The following TLE6 variants were observed in gnomAD, a reference collection of about 807,000 sequenced individuals.
TLE6 encodes transducin-like enhancer protein 6.
In TLE6, 72 loss-of-function variants were observed where a neutral mutation model predicts 77.1. The observed-to-expected ratio is 0.93, with a 90% CI of 0.77 to 1.14. The LOEUF is 1.14. Among genes scored for constraint, TLE6 ranks in the 50% most tolerant of loss-of-function variants. The pLI is 0.00. For synonymous variants in TLE6, 366 were observed against 287.3 expected (o/e 1.27, Z -2.77); for missense variants, 843 against 747.6 (o/e 1.13, Z -1.49).
chr19:2,987,037 A>G lies in TLE6; in HGVS notation c.340A>G (p.Thr114Ala). ...GACGCCCCAGCAGGTGAAGGACAAG[A>G]CCCTGCAGGAGTCGAGCTTTGAGGA... ...PGTPQQVKDK[T>A]LQESSFEDIM... Residue 114 changes from threonine to alanine, a missense_variant, in exon 7 of 17, where the codon ACC becomes GCC. Physicochemically the swap from Thr to Ala is moderately conservative, Grantham distance 58. Coordinates refer to ENST00000246112, the MANE Select transcript of TLE6 (RefSeq NM_001143986.2). 6.2e-7 allele frequency: 1 copy of G among 1,613,988 alleles called. No individual in the cohort carries two copies. The highest frequency in any genetic ancestry group is 8.5e-7 in the Non-Finnish European group (1 of 1,179,932).
chr19:2,978,266 C>A lies in TLE6; in HGVS notation c.33C>A (p.Gly11=), dbSNP rs1490846335. 1 of 1,551,446 alleles carries A rather than the reference C, an allele frequency of 6.4e-7. No individual in the cohort carries two copies. The highest frequency in any genetic ancestry group is 2.0e-5 in the Admixed American group (1 of 50,950). Residue 11 remains glycine (G), a synonymous_variant, in exon 2 of 17, where the codon GGC becomes GGA. Coordinates refer to ENST00000246112, the MANE Select transcript of TLE6 (RefSeq NM_001143986.2). MTSRDQPRPK[G]PPKSTSPCPG... is the part of the protein sequence containing the mutation. Reference sequence around the variant, plus strand: ...CTAGGGACCAGCCCAGACCCAAGGGCCCCCCGAAAAGCACTTCGGTGAGGA... The same window carrying A: ...CTAGGGACCAGCCCAGACCCAAGGGACCCCCGAAAAGCACTTCGGTGAGGA...
rs759272620 is a variant in TLE6, at chr19:2,987,050, C to G, written c.353C>G (p.Ser118Trp). The G allele has an allele frequency of 1.2e-6, 2 of 1,614,100 alleles. No homozygotes were observed. Among genetic ancestry groups the G allele is most frequent in the Non-Finnish European group, 1.7e-6 (2 of 1,179,984 alleles). ...GTGAAGGACAAGACCCTGCAGGAGT[C>G]GAGCTTTGAGGACATCATGGCCACC... ...QQVKDKTLQE[S>W]SFEDIMATRS... Residue 118 changes from serine (S) to tryptophan (W), a missense_variant, in exon 7 of 17, where the codon TCG becomes TGG. Ser to Trp is a radical substitution (Grantham distance 177). Transcript: ENST00000246112.
In TLE6 at chr19:2,987,202, G is replaced by A. The variant is rs767591378; in HGVS notation, c.505G>A (p.Gly169Ser). ...LTEQLWRIFA[G>S]VHDEKAKPRD... ...CGAGCAACTCTGGCGGATTTTTGCC[G>A]GCGTCCACGATGAGAAGGCAAAGCC... The change falls in exon 7 of 17, where the codon GGC (glycine) becomes AGC (serine). Residue 169 changes from glycine to serine, a missense_variant. Transcript: ENST00000246112. The A allele has an allele frequency of 1.8e-5, 29 of 1,613,960 alleles. No homozygotes were observed. Among genetic ancestry groups the A allele is most frequent in the Admixed American group, 1.0e-4 (6 of 59,990 alleles).
In TLE6 at chr19:2,994,934, T is replaced by TCTCTTCCAACAACCGC; in HGVS notation, c.1653_1668dup (p.Val557PhefsTer63). The TCTCTTCCAACAACCGC allele has an allele frequency of 6.2e-7, 1 of 1,606,792 alleles. No individual in the cohort carries two copies. The highest frequency in any genetic ancestry group is 8.5e-7 in the Non-Finnish European group (1 of 1,176,868). On this transcript the variant is annotated frameshift_variant, in exon 17 of 17. Transcript: ENST00000246112. LOFTEE classifies it high-confidence loss of function. ...ATGTCTCCAGTCACGTGCTGTGACG[T>TCTCTTCCAACAACCGC]CTCTTCCAACAACCGCCTCGTTGTC...
rs2088941142 is a variant in TLE6 at position 2,987,465 on chromosome 19, T to C, written c.558+93T>C. 10 of 1,557,846 alleles carry C rather than the reference T, an allele frequency of 6.4e-6. No homozygotes were observed. The Admixed American group carries it at 1.7e-4, about 26-fold the overall frequency. ...TCAGGGCACTGGGGTTCCTGTGGGA[T>C]TTGTCTTCCTTCCATCCTGCCCCTC... is the stretch of plus-strand genomic sequence containing the variant. On this transcript the variant is annotated intron_variant, in intron 8 of 16. Transcript: ENST00000246112.
intron 5 of TLE6, among the ~76,000 whole-genome samples, chr19:2,983,390 G>A (rs990788708): frequency 1.3e-5 from 2 of 152,094 alleles, no homozygotes; most frequent in Non-Finnish European, 2.9e-5. Flanking sequence ...GATTGGGGAG[G>A]CCAGGGTGGG....
chr19:2,991,395 T>TACACACACACACAC (rs373594184), intron 13 of TLE6, among the ~76,000 whole-genome samples: 10 of 114,094 alleles, frequency 8.8e-5, no homozygotes, highest in South Asian at 5.5e-4. Flanking sequence ...TATATATATA[T>TACACACACACACAC]ACACACACAC....
At chr19:2,982,664 A>C (rs1182715714) in intron 5 of TLE6, among the ~76,000 whole-genome samples, 4 of 150,908 alleles carry the variant, frequency 2.7e-5, no homozygotes, top group Admixed American at 1.3e-4. Context: ...GGAGCCATGG[A>C]GGACTGCTGG....
At chr19:2,979,503 T>A (rs933149679) in intron 2 of TLE6, among the ~76,000 whole-genome samples, 3 of 151,946 alleles carry the variant, frequency 2.0e-5, no homozygotes, top group Admixed American at 2.0e-4. Context: ...CACCTCGGCC[T>A]CCCAAAGTGC....
chr19:2,992,520 C>G (rs2089092829), intron 14 of TLE6, among the ~76,000 whole-genome samples: 1 of 151,672 alleles, frequency 6.6e-6, no homozygotes, highest in African/African-American at 2.4e-5. Context: ...CCTGCAATCC[C>G]ACCACTTTGG....
At position 2,987,027 on chromosome 19, in the gene TLE6, G is replaced by A. The variant is rs367817967; in HGVS notation, c.330G>A (p.Val110=). The A allele has an allele frequency of 1.9e-6, 3 of 1,613,804 alleles. No homozygotes were observed. Among genetic ancestry groups the A allele is most frequent in the East Asian group, 2.2e-5 (1 of 44,860 alleles). Residue 110 remains valine, a synonymous_variant, in exon 7 of 17, where the codon GTG becomes GTA. Coordinates refer to ENST00000246112, the MANE Select transcript of TLE6 (RefSeq NM_001143986.2). ...EPASPGTPQQ[V]KDKTLQESSF... ...CCAGCCCTGGGACGCCCCAGCAGGT[G>A]AAGGACAAGACCCTGCAGGAGTCGA...
rs201132874 is a variant in TLE6, at chr19:2,987,760, G to C, written c.595G>C (p.Gly199Arg). 3.7e-5 allele frequency: 60 copies of C among 1,614,066 alleles called. No individual in the cohort carries two copies. Among genetic ancestry groups the C allele is most frequent in the Non-Finnish European group, 4.5e-5 (53 of 1,180,032 alleles). The change falls in exon 9 of 17, where the codon GGA becomes CGA. Residue 199 changes from glycine (G) to arginine (R), a missense_variant. Transcript: ENST00000246112. ...CAAGGCACCAGGATCCTGTGACCCA[G>C]GAACAGACCCATGTCCTGAAGATGC... ...ESKAPGSCDPGTDPCPEDAST... is the reference protein window; with the variant it reads ...ESKAPGSCDPRTDPCPEDAST...
rs759636928 is a variant in TLE6 at position 2,989,692 on chromosome 19, CCCTGGATGCCAA to C, written c.1169_1180del (p.Asp390_Leu393del). On this transcript the variant is annotated inframe_deletion, in exon 13 of 17. Transcript: ENST00000246112. ...CCCTGTGCAGGTCTCAACTGCCAGG[CCCTGGATGCCAA>C]CCTGGATGCCAACCTGGCCTTCGCC... is the stretch of plus-strand genomic sequence containing the variant. 35 of 1,614,084 alleles carry C rather than the reference CCCTGGATGCCAA, an allele frequency of 2.2e-5. No individual in the cohort carries two copies. Among genetic ancestry groups the C allele is most frequent in the East Asian group, 4.5e-5 (2 of 44,890 alleles).
chr19:2,984,346 C>CT (rs973495944), intron 5 of TLE6: 1 of 151,282 alleles, frequency 6.6e-6, no homozygotes, highest in African/African-American at 2.4e-5. Flanking sequence ...GGAGTCCCCC[C>CT]CCCCCCGCGG....
In TLE6 at chr19:2,995,063, C is replaced by CCG. The variant is rs1555687658; in HGVS notation, c.*60_*61insGC. 22 of 1,028,246 alleles carry CCG rather than the reference C, an allele frequency of 2.1e-5. 1 individual carries two copies. The Admixed American group carries it at 3.7e-4, about 17-fold the overall frequency. 63.7% of individuals were successfully genotyped at this position (1,028,246 alleles called of 1,614,324 possible). On this transcript the variant is annotated 3_prime_UTR_variant, in exon 17 of 17. Coordinates refer to ENST00000246112, the MANE Select transcript of TLE6 (RefSeq NM_001143986.2). Reference sequence around the variant, plus strand: ...TCTTTTCATCCCCCCCCTTCCCCCCCCCCAACAAGGGGGACATGGTGGAGG... The same window carrying CCG: ...TCTTTTCATCCCCCCCCTTCCCCCCCCGCCCAACAAGGGGGACATGGTGGAGG...
At chr19:2,993,344 TC>T in intron 14 of TLE6, 87 bp from the exon 15 acceptor site, 1 of 1,432,104 alleles carries the variant, frequency 7.0e-7, no homozygotes, top group South Asian at 1.4e-5. Flanking sequence ...TCACCCGGCC[TC>T]CAGGATAGGT....
intron 2 of TLE6, among the ~76,000 whole-genome samples, 164 bp downstream of exon 2, chr19:2,978,448 T>C (rs969834583): frequency 6.6e-6 from 1 of 152,080 alleles, no homozygotes; most frequent in Admixed American, 6.6e-5. Flanking sequence ...AGCCGTGTTT[T>C]TTAAAAAAAA....
At chr19:2,989,460 C>T (rs1016217256) in intron 12 of TLE6, 75 bp from the exon 13 acceptor site, 55 of 1,570,202 alleles carry the variant, frequency 3.5e-5, no homozygotes, top group East Asian at 6.7e-5. Context: ...AATAGGAGTT[C>T]GCTCTCATGA....
At chr19:2,985,420 T>G (rs1209927417) in intron 5 of TLE6, among the ~76,000 whole-genome samples, 2 of 137,786 alleles carry the variant, frequency 1.5e-5, no homozygotes, top group Non-Finnish European at 3.2e-5. Context: ...TTTTTTTTTT[T>G]GAGACAAGTC....
Sources: gnomAD v4.1 joint callset for allele counts (sites outside exome capture counted in the v4.1 genomes callset) on GRCh38, gnomAD v4.1.1 for gene constraint, MANE v1.5 for transcripts, NCBI Gene and HGNC (gene_info 2026-07-23, HGNC 2026-07-21) for gene names.